The following NOS1 variants were observed in gnomAD, a reference collection of about 807,000 sequenced individuals.
NOS1 encodes NOS type I.
Under a neutral mutation model 164.5 loss-of-function variants are expected in NOS1, and 51 were observed. The ratio of observed to expected loss-of-function variants is 0.31; its 90% confidence interval spans 0.25 to 0.39. The LOEUF (loss-of-function observed/expected upper bound fraction) is 0.39, where lower values mean the gene tolerates loss of function less well. NOS1 is among the 10% of genes least tolerant of loss of function. The pLI is 1.00. For missense variants in NOS1, 1,362 were observed against 1,885.6 expected (o/e 0.72, Z 5.14); for synonymous variants, 719 against 745.8 (o/e 0.96, Z 0.59).
chr12:117,304,212 T>C (rs1335800125), intron 3 of NOS1, among the ~76,000 whole-genome samples: 1 of 151,950 alleles, frequency 6.6e-6, no homozygotes, highest in Non-Finnish European at 1.5e-5. Context: ...TCTCAGGTGG[T>C]GTTAGCACCA....
intron 18 of NOS1, chr12:117,245,610 G>C (rs771984224): frequency 6.5e-6 from 1 of 152,842 alleles, no homozygotes; most frequent in Non-Finnish European, 1.5e-5. Context: ...TGGAATCTCA[G>C]TGGAGCTGTG....
intron 12 of NOS1, among the ~76,000 whole-genome samples, chr12:117,264,787 T>A (rs892917814): frequency 4.6e-5 from 7 of 151,490 alleles, no homozygotes; most frequent in Non-Finnish European, 7.4e-5. Flanking sequence ...TGGCTTGATA[T>A]CGGCTCACTG....
At position 117,245,337 on chromosome 12, in the gene NOS1, C is replaced by G. The variant is rs115053392; in HGVS notation, c.2824-1902G>C. ...GTTATCCTCATATGCAGACAGAAGG[C>G]CATGCATGGTTCATTTATCCCCCGG... is the stretch of plus-strand genomic sequence containing the variant. On this transcript the variant is annotated intron_variant, in intron 18 of 28. Coordinates refer to ENST00000317775, the MANE Select transcript of NOS1 (RefSeq NM_000620.5). Among the ~76,000 whole-genome samples the G allele has an allele frequency of 2.6e-3, 399 of 152,162 alleles. 2 individuals carry two copies. The highest frequency in any genetic ancestry group is 9.2e-3 in the African/African-American group (381 of 41,510).
chr12:117,275,424 A>C (rs1466762920), intron 9 of NOS1, among the ~76,000 whole-genome samples: 1 of 152,136 alleles, frequency 6.6e-6, no homozygotes, highest in Non-Finnish European at 1.5e-5. Context: ...GAATATTCTC[A>C]CTCATAGGTA....
chr12:117,213,671 C>G lies in NOS1; in HGVS notation c.*1638G>C, dbSNP rs748892549. Reference sequence around the variant, plus strand: ...CAAACTGAACAACAAGATATGCCCACGTACAGTATATAAAAGAAATGTGGT... The same window carrying G: ...CAAACTGAACAACAAGATATGCCCAGGTACAGTATATAAAAGAAATGTGGT... On this transcript the variant is annotated 3_prime_UTR_variant, in exon 29 of 29. Transcript: ENST00000317775. The G allele has an allele frequency of 2.0e-6, 2 of 985,240 alleles. No individual in the cohort carries two copies. Among genetic ancestry groups the G allele is most frequent in the Non-Finnish European group, 2.4e-6 (2 of 829,950 alleles). 61.0% of individuals were successfully genotyped at this position (985,240 alleles called of 1,614,324 possible).
chr12:117,348,027 T>TTTTTTTTTG, intron 1 of NOS1: 1 of 150,162 alleles, frequency 6.7e-6, no homozygotes, highest in Non-Finnish European at 1.5e-5. Context: ...ATTTTTTTTT[T>TTTTTTTTTG]TTTTTTTTTT....
chr12:117,313,145 G>C (rs561482219), intron 2 of NOS1, among the ~76,000 whole-genome samples: 1 of 151,758 alleles, frequency 6.6e-6, no homozygotes, highest in Non-Finnish European at 1.5e-5. Context: ...CCTCCTCCTC[G>C]GCATCAGGAC....
At chr12:117,248,093 C>T (rs1870782597) in intron 17 of NOS1, among the ~76,000 whole-genome samples, 1 of 151,928 alleles carries the variant, frequency 6.6e-6, no homozygotes, top group Non-Finnish European at 1.5e-5. Context: ...TATCTGCAAG[C>T]CAGAAAGAGA....
chr12:117,264,017 G>GT, intron 12 of NOS1, 43 bp from the exon 13 acceptor site: 5 of 1,534,520 alleles, frequency 3.3e-6, no homozygotes, highest in South Asian at 1.1e-5. Flanking sequence ...ACTGCAGTGA[G>GT]GGCATCTGGT....
intron 28 of NOS1, among the ~76,000 whole-genome samples, chr12:117,215,893 T>G (rs1477836603): frequency 9.7e-6 from 1 of 102,826 alleles, no homozygotes; most frequent in Non-Finnish European, 1.9e-5. Context: ...TTTTTTTTTT[T>G]GAGACTGAGA....
At position 117,208,501 on chromosome 12, in the gene NOS1, C is replaced by A. The variant is rs1372522699; in HGVS notation, c.*6808G>T. ...CACTGCGACGTGGGGTGCCCGGCACCGCTCTTTGGGCCTTCTGGAAAACCA... is the reference window on the plus strand; with the variant it reads ...CACTGCGACGTGGGGTGCCCGGCACAGCTCTTTGGGCCTTCTGGAAAACCA... On this transcript the variant is annotated 3_prime_UTR_variant, in exon 29 of 29. Transcript: ENST00000317775. 8.0e-7 allele frequency: 1 copy of A among 1,243,480 alleles called. No individual in the cohort carries two copies. Among genetic ancestry groups the A allele is most frequent in the African/African-American group, 1.5e-5 (1 of 64,852 alleles). The allele number at this position is 1,243,480 out of a possible 1,614,324, so 77.0% of individuals were successfully genotyped here.
At chr12:117,346,968 C>A (rs1461889136) in intron 1 of NOS1, among the ~76,000 whole-genome samples, 3 of 152,112 alleles carry the variant, frequency 2.0e-5, no homozygotes, top group African/African-American at 7.2e-5. Flanking sequence ...TTTTTTCCCC[C>A]AAATTTGTTA....
chr12:117,227,581 C>T lies in NOS1; in HGVS notation c.3466G>A (p.Glu1156Lys). The T allele has an allele frequency of 6.2e-7, 1 of 1,613,976 alleles. No individual in the cohort carries two copies. The change falls in exon 23 of 29, where the codon GAG becomes AAG. Residue 1156 changes from glutamate to lysine, a missense_variant. By Grantham distance (56) the Glu-to-Lys change is moderately conservative. This residue lies in a region of NOS1 where 737 missense variants were observed against 1,030.3 expected (regional missense o/e 0.72). Transcript: ENST00000317775. ...GGCATCTGGATAGATGGGAACTCCT[C>T]CAGCACCTCCACGATGGTGGGGTTC... ...GKNPTIVEVL[E>K]EFPSIQMPAT... is the part of the protein sequence containing the mutation.
chr12:117,330,914 T>C lies in NOS1; in HGVS notation c.156A>G (p.Ala52=), dbSNP rs747995576. 2.5e-6 allele frequency: 4 copies of C among 1,614,142 alleles called. No individual in the cohort carries two copies. The highest frequency in any genetic ancestry group is 3.4e-6 in the Non-Finnish European group (4 of 1,180,026). The change falls in exon 2 of 29, where the codon GCA becomes GCG. Residue 52 remains alanine, a synonymous_variant. Transcript: ENST00000317775. This position sits in a 1 kb window ranked among gnomAD's most constrained non-coding sequence, Gnocchi z 4.6. Reference sequence around the variant, plus strand: ...CGGCCTGGATGAGGCCACTCTGCTCTGCGGCGCCCCCACGAATCAGGTCAG... The same window carrying C: ...CGGCCTGGATGAGGCCACTCTGCTCCGCGGCGCCCCCACGAATCAGGTCAG... ...IISDLIRGGA[A]EQSGLIQAGD... is the part of the protein sequence containing the mutation.
At chr12:117,345,117 C>T (rs935046143) in intron 1 of NOS1, among the ~76,000 whole-genome samples, 4 of 151,058 alleles carry the variant, frequency 2.6e-5, no homozygotes, top group Admixed American at 1.3e-4. Context: ...CTGCAACCTC[C>T]GCCTCCTGGG....
intron 16 of NOS1, among the ~76,000 whole-genome samples, chr12:117,254,779 C>T (rs967698030): frequency 6.6e-6 from 1 of 152,192 alleles, no homozygotes; most frequent in African/African-American, 2.4e-5. Context: ...TGGTTAGTGG[C>T]TGCTATAGTG....
chr12:117,341,374 A>G (rs1876105280), intron 1 of NOS1, among the ~76,000 whole-genome samples: 1 of 152,168 alleles, frequency 6.6e-6, no homozygotes, highest in Non-Finnish European at 1.5e-5. Context: ...CAACACCACT[A>G]GGGCGGGATG....
At chr12:117,293,822 C>T (rs570811924) in intron 3 of NOS1, among the ~76,000 whole-genome samples, 3 of 152,180 alleles carry the variant, frequency 2.0e-5, no homozygotes, top group African/African-American at 7.2e-5. Context: ...GAGTTCTTTC[C>T]TTTGTTCCTC....
At chr12:117,305,151 G>A in intron 3 of NOS1, 1 of 858,498 alleles carries the variant, frequency 1.2e-6, no homozygotes, top group Non-Finnish European at 1.4e-6. Flanking sequence ...ATAAATGTGG[G>A]TTACAACTGG....
Sources: gnomAD v4.1 joint callset for allele counts (sites outside exome capture counted in the v4.1 genomes callset) on GRCh38, gnomAD v4.1.1 for gene constraint, gnomAD v4.1.1 regional missense constraint, Gnocchi (gnomAD v3.1) non-coding constraint, MANE v1.5 for transcripts, NCBI Gene and HGNC (gene_info 2026-07-23, HGNC 2026-07-21) for gene names.